GRAMD4: variants seen among roughly 807,000 people sequenced by gnomAD.
GRAMD4 encodes GRAM domain containing 4.
In GRAMD4, 25 loss-of-function variants were observed where a neutral mutation model predicts 83.9. The ratio of observed to expected loss-of-function variants is 0.30; its 90% CI spans 0.22 to 0.42. The LOEUF (loss-of-function observed/expected upper bound fraction) is 0.42. Among genes scored for constraint, GRAMD4 ranks in the 10% least tolerant of loss-of-function variants. The pLI, the probability that GRAMD4 is intolerant of heterozygous loss-of-function variation, is 1.00. For missense variants in GRAMD4, 593 were observed against 788.7 expected (o/e 0.75, Z 2.97); for synonymous variants, 336 against 320.9 (o/e 1.05, Z -0.50).
chr22:46,678,564 G>A lies in GRAMD4; in HGVS notation c.*1313G>A, dbSNP rs1239932375. 3 of 985,462 alleles carry A rather than the reference G, an allele frequency of 3.0e-6. No individual in the cohort carries two copies. The highest frequency in any genetic ancestry group is 1.7e-5 in the African/African-American group (1 of 57,376). 61.0% of individuals were successfully genotyped at this position (985,462 alleles called of 1,614,324 possible). A position where few individuals can be genotyped will look rare whatever the true frequency, so the allele number is the denominator to read the frequency against. On this transcript the variant is annotated 3_prime_UTR_variant, in exon 19 of 19. Transcript: ENST00000406902. ...GGAGGTGGCCACCCCGCGGGCCTGC[G>A]TGTCTGCTGGGGCGGATCCCGCAGC...
chr22:46,668,782 C>G lies in GRAMD4; in HGVS notation c.975-17C>G. ...CCTGCGGCGCCCGCCCGGCCTGAGC[C>G]TCCCGTCTCCTTCCAGCTTGTTCAT... On this transcript the variant is annotated splice_polypyrimidine_tract_variant and intron_variant, in intron 12 of 18. Coordinates refer to ENST00000406902, the MANE Select transcript of GRAMD4 (RefSeq NM_015124.5). 1 of 1,376,064 alleles carries G rather than the reference C, an allele frequency of 7.3e-7. No homozygotes were observed. The highest frequency in any genetic ancestry group is 1.5e-5 in the African/African-American group (1 of 66,572). 85.2% of individuals were successfully genotyped at this position (1,376,064 alleles called of 1,614,324 possible).
rs151176619 is a variant in GRAMD4, at chr22:46,668,846, C to T, written c.1022C>T (p.Ala341Val). The T allele has an allele frequency of 3.3e-4, 533 of 1,611,896 alleles. 3 individuals carry two copies. The South Asian group carries it at 4.5e-3, about 14-fold the overall frequency. The change falls in exon 13 of 19, where the codon GCG becomes GTG. Residue 341 changes from alanine to valine, a missense_variant. Around this residue, in one of 4 missense-constraint regions of GRAMD4, gnomAD observed 171 missense variants for 199.6 expected, o/e 0.86. Transcript: ENST00000406902. ...GAGATCACACAGAAGCTGTATGTGG[C>T]GCTCTGGGCTGCCTTCCTGGCCTCC... ...QPEITQKLYV[A>V]LWAAFLASCF...
At chr22:46,587,594 G>A (rs1343701439) in intron 1 of GRAMD4, among the ~76,000 whole-genome samples, 2 of 152,052 alleles carry the variant, frequency 1.3e-5, no homozygotes, top group Admixed American at 6.5e-5. Flanking sequence ...AGCCCAGGCC[G>A]GGGCGGGGGG....
chr22:46,632,398 G>C (rs1222372369), intron 2 of GRAMD4, among the ~76,000 whole-genome samples: 2 of 152,220 alleles, frequency 1.3e-5, no homozygotes, highest in Non-Finnish European at 2.9e-5. Context: ...GCAGATTTCA[G>C]TTGAGGCAAA....
rs953152946 is a variant in GRAMD4 at position 46,677,441 on chromosome 22, C to G, written c.*190C>G. On this transcript the variant is annotated 3_prime_UTR_variant, in exon 19 of 19. Transcript: ENST00000406902. ...AAGAAGGGGCCAGGGCTCACAGGGA[C>G]GGGGGTGCCCCTCTCCCACAGGGCA... The G allele has an allele frequency of 8.9e-6, 12 of 1,352,200 alleles. No homozygotes were observed. Among genetic ancestry groups the G allele is most frequent in the Non-Finnish European group, 1.1e-5 (12 of 1,051,290 alleles). The allele number at this position is 1,352,200 out of a possible 1,614,324, so 83.8% of individuals were successfully genotyped here. A position where few individuals can be genotyped will look rare whatever the true frequency, so the allele number is the denominator to read the frequency against.
chr22:46,635,682 G>C (rs2081869954), intron 2 of GRAMD4, among the ~76,000 whole-genome samples: 1 of 128,168 alleles, frequency 7.8e-6, no homozygotes. Flanking sequence ...CTGTCCAGGG[G>C]AGCTGTGTCC....
chr22:46,585,880 G>A (rs1415957981), intron 1 of GRAMD4, among the ~76,000 whole-genome samples: 2 of 152,202 alleles, frequency 1.3e-5, no homozygotes, highest in Non-Finnish European at 2.9e-5. Context: ...GTCAGCCTCT[G>A]TGCAAGGCTC....
At chr22:46,648,823 G>C (rs868283877) in intron 3 of GRAMD4, among the ~76,000 whole-genome samples, 3 of 141,396 alleles carry the variant, frequency 2.1e-5, no homozygotes, top group South Asian at 2.3e-4. Flanking sequence ...TGGATGGATG[G>C]ATGGATGGAT....
chr22:46,580,979 AAAAAAG>A (rs1174231458), intron 1 of GRAMD4, among the ~76,000 whole-genome samples: 1 of 151,620 alleles, frequency 6.6e-6, no homozygotes, highest in Non-Finnish European at 1.5e-5. Context: ...AAAAAAAAAA[AAAAAAG>A]AAAGAAAGAA....
Position 46,668,684 on chromosome 22 carries a change from C to A in GRAMD4, c.931-5C>A. 1.2e-6 allele frequency: 2 copies of A among 1,612,206 alleles called. No homozygotes were observed. Among genetic ancestry groups the A allele is most frequent in the Non-Finnish European group, 1.7e-6 (2 of 1,179,294 alleles). On this transcript the variant is annotated splice_polypyrimidine_tract_variant and splice_region_variant and intron_variant, in intron 11 of 18. Coordinates refer to ENST00000406902, the MANE Select transcript of GRAMD4 (RefSeq NM_015124.5). ...TGTTGTAATTGCTGTTTCTCCTTCA[C>A]ACAGAACCTTTTCGGGAAGATGGCT...
chr22:46,596,613 C>G (rs568473684), intron 1 of GRAMD4, among the ~76,000 whole-genome samples: 34 of 152,292 alleles, frequency 2.2e-4, no homozygotes, highest in Non-Finnish European at 4.4e-5. Context: ...CACGATCTCA[C>G]AATCTCAGTT....
chr22:46,668,961 C>T (rs1412035011), intron 13 of GRAMD4, 53 bp downstream of exon 13: 24 of 984,488 alleles, frequency 2.4e-5, no homozygotes, highest in East Asian at 1.2e-4. Flanking sequence ...CACAGGTGTC[C>T]GCATGCCACC....
chr22:46,594,759 G>T (rs1034701940), intron 1 of GRAMD4, among the ~76,000 whole-genome samples: 8 of 151,794 alleles, frequency 5.3e-5, no homozygotes, highest in Non-Finnish European at 1.0e-4. Flanking sequence ...GCATCTCCTA[G>T]GAGGGAGGAG....
intron 1 of GRAMD4, among the ~76,000 whole-genome samples, chr22:46,588,266 C>T (rs73181064): frequency 0.012 from 1,885 of 152,002 alleles, 30 homozygotes; most frequent in Non-Finnish European, 0.018. Context: ...CCCCACAACC[C>T]GATGGATGAG....
chr22:46,605,601 C>T (rs115009257), intron 1 of GRAMD4, among the ~76,000 whole-genome samples: 320 of 152,394 alleles, frequency 2.1e-3, no homozygotes, highest in African/African-American at 7.4e-3. Context: ...TCCCCATTCT[C>T]GCCAACACTT....
intron 1 of GRAMD4, among the ~76,000 whole-genome samples, chr22:46,605,040 G>A (rs1159035014): frequency 2.5e-5 from 3 of 119,696 alleles, no homozygotes; most frequent in East Asian, 2.5e-4. Flanking sequence ...AATGTTCTCC[G>A]GGTTCACCCA....
chr22:46,674,143 G>T (rs1466370501), intron 15 of GRAMD4, among the ~76,000 whole-genome samples: 2 of 152,260 alleles, frequency 1.3e-5, no homozygotes, highest in African/African-American at 4.8e-5. Flanking sequence ...TCTGCCCCTG[G>T]TTCCATCGTG....
At chr22:46,627,813 A>ACTG (rs2081691543) in intron 2 of GRAMD4, among the ~76,000 whole-genome samples, 1 of 152,202 alleles carries the variant, frequency 6.6e-6, no homozygotes, top group South Asian at 2.1e-4. Flanking sequence ...TTAATAATTT[A>ACTG]CTGCTGCTGC....
At position 46,672,733 on chromosome 22, in the gene GRAMD4, A is replaced by G; in HGVS notation, c.1085-110A>G. ...CAGCTGGACTCTCACATCCAGGCTC[A>G]GGGTGGAGGGTGCCAATCTGGGAGG... is the stretch of plus-strand genomic sequence containing the variant. On this transcript the variant is annotated intron_variant, in intron 13 of 18. Coordinates refer to ENST00000406902, the MANE Select transcript of GRAMD4 (RefSeq NM_015124.5). This position sits in a 1 kb window ranked among gnomAD's most constrained non-coding sequence, Gnocchi z 4.7. 1.3e-6 allele frequency: 1 copy of G among 795,502 alleles called. No homozygotes were observed. The highest frequency in any genetic ancestry group is 2.1e-6 in the Non-Finnish European group (1 of 483,926). 49.3% of individuals were successfully genotyped at this position (795,502 alleles called of 1,614,324 possible).
Sources: gnomAD v4.1 joint callset for allele counts (sites outside exome capture counted in the v4.1 genomes callset) on GRCh38, gnomAD v4.1.1 for gene constraint, gnomAD v4.1.1 regional missense constraint, Gnocchi (gnomAD v3.1) non-coding constraint, MANE v1.5 for transcripts, NCBI Gene and HGNC (gene_info 2026-07-23, HGNC 2026-07-21) for gene names.